The following PPP1R9A variants were observed in gnomAD, a reference collection of about 807,000 sequenced individuals.
PPP1R9A encodes the protein neurabin-1.
In PPP1R9A, 59 loss-of-function variants were observed where a neutral mutation model predicts 141.9. The observed-to-expected ratio is 0.42, with a 90% CI of 0.34 to 0.52. The LOEUF is 0.52. PPP1R9A is among the 20% of genes least tolerant of loss of function. The probability of loss-of-function intolerance (pLI) is 0.10; values close to 1 mark genes in which losing one functional copy is unlikely to be tolerated. For missense variants in PPP1R9A, 1,444 were observed against 1,611.9 expected, an observed-to-expected ratio of 0.90 and a Z score of 1.78; for synonymous variants, 500 against 569.7, an observed-to-expected ratio of 0.88 and a Z score of 1.74.
intron 3 of PPP1R9A, among the ~76,000 whole-genome samples, chr7:95,111,702 G>A (rs1820603474): frequency 6.6e-6 from 1 of 152,138 alleles, no homozygotes; most frequent in South Asian, 2.1e-4. Flanking sequence ...CCCAGAAAGA[G>A]CTGGTATATG....
intron 5 of PPP1R9A, among the ~76,000 whole-genome samples, chr7:95,188,047 T>C (rs978938506): frequency 6.6e-6 from 1 of 152,096 alleles, no homozygotes; most frequent in Non-Finnish European, 1.5e-5. Flanking sequence ...TTGTTGACTT[T>C]CTCTCTTAAT....
intron 2 of PPP1R9A, among the ~76,000 whole-genome samples, chr7:94,946,405 G>A (rs1795901037): frequency 6.6e-6 from 1 of 152,022 alleles, no homozygotes; most frequent in Non-Finnish European, 1.5e-5. Context: ...GAGGCACTGT[G>A]TAGAGTGAGT....
At chr7:95,008,524 C>T (rs927332028) in intron 2 of PPP1R9A, among the ~76,000 whole-genome samples, 4 of 152,174 alleles carry the variant, frequency 2.6e-5, no homozygotes, top group Non-Finnish European at 5.9e-5. Context: ...TTCCTACTCA[C>T]ATGATAGTCC....
intron 2 of PPP1R9A, among the ~76,000 whole-genome samples, chr7:95,098,615 G>A (rs1438894432): frequency 6.6e-6 from 1 of 152,044 alleles, no homozygotes; most frequent in Non-Finnish European, 1.5e-5. Flanking sequence ...ATGTATGTAC[G>A]GTTCCTGGGA....
At chr7:95,289,194 C>T (rs1158313611) in intron 19 of PPP1R9A, among the ~76,000 whole-genome samples, 3 of 152,194 alleles carry the variant, frequency 2.0e-5, no homozygotes, top group East Asian at 1.9e-4. Context: ...CATCTTCCCT[C>T]CCCTCCATGG....
intron 4 of PPP1R9A, among the ~76,000 whole-genome samples, chr7:95,124,722 T>A (rs1291863154): frequency 6.6e-6 from 1 of 152,188 alleles, no homozygotes; most frequent in Non-Finnish European, 1.5e-5. Flanking sequence ...TAATAACTCT[T>A]TCTATTTAAG....
At chr7:95,012,414 C>G (rs368647144) in intron 2 of PPP1R9A, among the ~76,000 whole-genome samples, 1 of 152,104 alleles carries the variant, frequency 6.6e-6, no homozygotes, top group Non-Finnish European at 1.5e-5. Context: ...GAAATCACCC[C>G]CATGATCCAA....
intron 2 of PPP1R9A, among the ~76,000 whole-genome samples, chr7:94,919,301 A>ATTTTTT (rs757456894): frequency 5.6e-5 from 6 of 106,198 alleles, no homozygotes; most frequent in Admixed American, 1.1e-4. Context: ...GGATAATTAC[A>ATTTTTT]TTTTTTTTTT....
intron 2 of PPP1R9A, among the ~76,000 whole-genome samples, chr7:95,082,847 C>T (rs1184274279): frequency 6.8e-6 from 1 of 147,878 alleles, no homozygotes; most frequent in Admixed American, 6.8e-5. Flanking sequence ...GCTCCACCTC[C>T]TGGGTTCACG....
chr7:94,910,347 C>G lies in PPP1R9A; in HGVS notation c.234C>G (p.Asn78Lys), dbSNP rs778667387. The part of the protein sequence containing the change: ...NLFMQMGMEP[N>K]ENAAVIAKTR... ...TTATGCAGATGGGTATGGAACCCAA[C>G]GAGAATGCTGCAGTCATTGCCAAAA... The change falls in exon 2 of 20, where the codon AAC becomes AAG. Residue 78 changes from asparagine to lysine, a missense_variant. By Grantham distance (94) the Asn-to-Lys change is moderately conservative. Around this residue, in one of 5 missense-constraint regions of PPP1R9A, gnomAD observed 490 missense variants for 521.1 expected, o/e 0.94. Coordinates refer to ENST00000433360, the MANE Select transcript of PPP1R9A (RefSeq NM_001166160.2). The surrounding 1 kb of genome is among the most constrained non-coding windows in gnomAD (Gnocchi z 4.5). 8.1e-6 allele frequency: 13 copies of G among 1,613,896 alleles called. No homozygotes were observed. The highest frequency in any genetic ancestry group is 5.3e-5 in the African/African-American group (4 of 74,874).
chr7:94,943,763 TA>T (rs1481150724), intron 2 of PPP1R9A, among the ~76,000 whole-genome samples: 2 of 152,182 alleles, frequency 1.3e-5, no homozygotes, highest in East Asian at 3.8e-4. Flanking sequence ...TTAAAACAAA[TA>T]ACCCTCATTT....
chr7:95,171,016 T>C (rs2152748951), intron 5 of PPP1R9A, among the ~76,000 whole-genome samples: 1 of 151,584 alleles, frequency 6.6e-6, no homozygotes, highest in South Asian at 2.1e-4. Context: ...GGAGACAGAC[T>C]GAAATAAATT....
In PPP1R9A at chr7:95,199,177, G is replaced by A. The variant is rs139290419; in HGVS notation, c.1890+693G>A. Among the ~76,000 whole-genome samples the A allele has an allele frequency of 2.6e-5, 4 of 152,294 alleles. No homozygotes were observed. The East Asian group carries it at 7.7e-4, about 29-fold the overall frequency. On this transcript the variant is annotated intron_variant, in intron 6 of 19. Transcript: ENST00000433360. ...TTGTGTGCTGTAATATAATACAGAT[G>A]CTGGTCTATTTCTAATGTCTTTGAA...
At chr7:95,038,802 A>G (rs567519681) in intron 2 of PPP1R9A, among the ~76,000 whole-genome samples, 5 of 152,310 alleles carry the variant, frequency 3.3e-5, no homozygotes, top group African/African-American at 1.2e-4. Flanking sequence ...TCACTATCAC[A>G]CTGGCACGTC....
chr7:95,047,794 C>A (rs544058561), intron 2 of PPP1R9A, among the ~76,000 whole-genome samples: 1 of 152,092 alleles, frequency 6.6e-6, no homozygotes, highest in African/African-American at 2.4e-5. Context: ...CTTGGGGTAG[C>A]TTTTTCTATT....
intron 4 of PPP1R9A, among the ~76,000 whole-genome samples, chr7:95,126,038 C>G (rs1823510304): frequency 6.6e-6 from 1 of 152,128 alleles, no homozygotes; most frequent in Non-Finnish European, 1.5e-5. Context: ...TGCACACACT[C>G]TCATGTTAGT....
intron 2 of PPP1R9A, among the ~76,000 whole-genome samples, chr7:94,944,989 G>A (rs1267743754): frequency 6.6e-6 from 1 of 152,004 alleles, no homozygotes; most frequent in African/African-American, 2.4e-5. Flanking sequence ...GTGTGTGATA[G>A]CCAAGAGGTA....
chr7:95,027,625 TTTG>T (rs905442665), intron 2 of PPP1R9A, among the ~76,000 whole-genome samples: 1 of 152,196 alleles, frequency 6.6e-6, no homozygotes, highest in Non-Finnish European at 1.5e-5. Flanking sequence ...TCAAGGTGAT[TTTG>T]TTGTTGTGCA....
At chr7:95,168,818 A>G (rs565120044) in intron 5 of PPP1R9A, among the ~76,000 whole-genome samples, 2 of 152,164 alleles carry the variant, frequency 1.3e-5, no homozygotes, top group Admixed American at 1.3e-4. Flanking sequence ...GAAATGCAAA[A>G]TAAAACTGTA....
Sources: allele counts gnomAD v4.1 joint callset (sites outside exome capture counted in the v4.1 genomes callset), GRCh38; gene constraint gnomAD v4.1.1; regional missense constraint gnomAD v4.1.1; non-coding constraint Gnocchi (gnomAD v3.1); transcripts MANE v1.5; gene names NCBI Gene and HGNC (gene_info 2026-07-23, HGNC 2026-07-21).